UPP2: variants seen among roughly 807,000 people sequenced by gnomAD.
UPP2 encodes the protein uridine phosphorylase 2.
In UPP2, 23 loss-of-function variants were observed where a neutral mutation model predicts 26.7. The ratio of observed to expected loss-of-function variants is 0.86; its 90% CI spans 0.62 to 1.22. The LOEUF is 1.22. Among genes scored for constraint, UPP2 ranks in the 50% most tolerant of loss-of-function variants. The pLI is 0.00. For synonymous variants in UPP2, 127 were observed against 141.3 expected, an observed-to-expected ratio of 0.90 and a Z score of 0.72; for missense variants, 387 against 396.7, an observed-to-expected ratio of 0.98 and a Z score of 0.21.
chr2:158,119,299 C>T lies in UPP2; in HGVS notation c.454+1361C>T, dbSNP rs779698790. ...TAGGGTATTTTATTTCATGGCAACA[C>T]GATACATATAGCACACAATGAAGGC... On this transcript the variant is annotated intron_variant, in intron 4 of 6. Transcript: ENST00000005756. Among the ~76,000 whole-genome samples the T allele has an allele frequency of 7.2e-5, 11 of 151,962 alleles. 1 individual carries two copies. Among genetic ancestry groups the T allele is most frequent in the Non-Finnish European group, 1.5e-4 (10 of 67,918 alleles).
chr2:158,104,436 A>AAAATACTT (rs149489116), intron 1 of UPP2, among the ~76,000 whole-genome samples: 8,431 of 152,264 alleles, frequency 0.055, 341 homozygotes, highest in East Asian at 0.14. Flanking sequence ...TGAGATTTTA[A>AAAATACTT]AAATACTTAA....
intron 6 of UPP2, among the ~76,000 whole-genome samples, chr2:158,128,843 T>A (rs1004478657): frequency 6.6e-6 from 1 of 151,214 alleles, no homozygotes; most frequent in Admixed American, 6.6e-5. Flanking sequence ...GCTGAGCACA[T>A]ACCAATTGAC....
At chr2:158,046,848 G>A (rs767200403) in intron 3 of UPP2, among the ~76,000 whole-genome samples, 1 of 152,072 alleles carries the variant, frequency 6.6e-6, no homozygotes, top group Non-Finnish European at 1.5e-5. Flanking sequence ...GGGAACCAGG[G>A]AATCAGTCCA....
chr2:158,076,421 A>C (rs1235926143), intron 3 of UPP2, among the ~76,000 whole-genome samples: 1 of 152,092 alleles, frequency 6.6e-6, no homozygotes, highest in Admixed American at 6.5e-5. Context: ...AAAATCTTCA[A>C]CAAAATACTA....
At chr2:158,104,951 G>A (rs868180676) in intron 1 of UPP2, among the ~76,000 whole-genome samples, 1 of 66,948 alleles carries the variant, frequency 1.5e-5, no homozygotes, top group South Asian at 7.7e-4. Flanking sequence ...GGAAGGGAAG[G>A]GAAGGGAAGG....
intron 2 of UPP2, among the ~76,000 whole-genome samples, chr2:158,014,315 G>A (rs546686626): frequency 1.4e-4 from 21 of 152,310 alleles, no homozygotes; most frequent in Admixed American, 1.3e-4. Flanking sequence ...GCGGCTGATT[G>A]CCTCTCCTAG....
intron 6 of UPP2, among the ~76,000 whole-genome samples, chr2:158,125,134 G>A (rs1683665577): frequency 6.6e-6 from 1 of 152,192 alleles, no homozygotes; most frequent in Non-Finnish European, 1.5e-5. Context: ...GATATGCAAA[G>A]AGGAAGGCTT....
At chr2:158,109,208 A>T (rs1435983448) in intron 2 of UPP2, among the ~76,000 whole-genome samples, 1 of 152,108 alleles carries the variant, frequency 6.6e-6, no homozygotes, top group East Asian at 1.9e-4. Flanking sequence ...CTTCACAGAG[A>T]TGATAATCAT....
intron 2 of UPP2, among the ~76,000 whole-genome samples, chr2:158,003,136 GGTGGGGT>G (rs1558900378): frequency 6.6e-6 from 1 of 152,110 alleles, no homozygotes; most frequent in Non-Finnish European, 1.5e-5. Context: ...GGGATGGGTA[GGTGGGGT>G]GTCACAACTT....
At chr2:158,022,744 G>C (rs563140579) in intron 3 of UPP2, among the ~76,000 whole-genome samples, 26 of 152,192 alleles carry the variant, frequency 1.7e-4, no homozygotes, top group African/African-American at 6.0e-4. Context: ...CAAAGAATAG[G>C]TATAGAGGTT....
intron 3 of UPP2, among the ~76,000 whole-genome samples, chr2:158,067,594 G>A (rs1156467013): frequency 2.6e-5 from 4 of 152,078 alleles, no homozygotes; most frequent in Admixed American, 2.0e-4. Flanking sequence ...GTCCCATTAT[G>A]GGCAGAGAAG....
rs920383156 is a variant in UPP2 at position 158,029,706 on chromosome 2, G to A, written c.147+13820G>A. Among the ~76,000 whole-genome samples, 10 of 151,922 alleles carry A rather than the reference G, an allele frequency of 6.6e-5. No individual in the cohort carries two copies. The South Asian group carries it at 8.3e-4, about 13-fold the overall frequency. On this transcript the variant is annotated intron_variant, in intron 3 of 9. Coordinates refer to the UPP2 transcript ENST00000605860. ...TTCAAAGTTATTTCACAAAGGGAGG[G>A]AGACATAGACATAAAAATAGACACA...
At chr2:158,051,199 ATG>A (rs1487064044) in intron 3 of UPP2, among the ~76,000 whole-genome samples, 39 of 93,896 alleles carry the variant, frequency 4.2e-4, no homozygotes, top group Non-Finnish European at 5.8e-4. Context: ...GTGTGTGTGT[ATG>A]TGTGTATAAT....
At position 158,008,309 on chromosome 2, in the gene UPP2, C is replaced by T. The variant is rs907730350; in HGVS notation, c.62-7492C>T. Among the ~76,000 whole-genome samples, 7 of 152,172 alleles carry T rather than the reference C, an allele frequency of 4.6e-5. No homozygotes were observed. In the South Asian group the frequency reaches 1.5e-3, roughly 32 times the overall value. On this transcript the variant is annotated intron_variant, in intron 2 of 9. Coordinates refer to the UPP2 transcript ENST00000605860. ...CTTCTTCAGCTTATTAGAAATAAGC[C>T]AGTGTGAGATCAATAATTACCTTTT...
chr2:158,027,310 T>A (rs577106699), intron 3 of UPP2, among the ~76,000 whole-genome samples: 8 of 152,202 alleles, frequency 5.3e-5, no homozygotes, highest in Non-Finnish European at 1.2e-4. Flanking sequence ...ATTGGGTAAA[T>A]ACAGCCATTC....
chr2:158,003,876 C>T (rs1255516197), intron 2 of UPP2, among the ~76,000 whole-genome samples: 1 of 151,994 alleles, frequency 6.6e-6, no homozygotes, highest in African/African-American at 2.4e-5. Context: ...GTGTATTTTG[C>T]ATGTTGCAAC....
At chr2:158,115,429 A>C (rs1435525618) in intron 3 of UPP2, among the ~76,000 whole-genome samples, 170 bp downstream of exon 3, 1 of 152,162 alleles carries the variant, frequency 6.6e-6, no homozygotes, top group African/African-American at 2.4e-5. Flanking sequence ...AGAACACAGC[A>C]TGCAGCATCA....
chr2:158,059,077 C>A (rs1304982574), intron 3 of UPP2, among the ~76,000 whole-genome samples: 2 of 152,184 alleles, frequency 1.3e-5, no homozygotes, highest in Non-Finnish European at 2.9e-5. Context: ...GCTACTGATT[C>A]TCAGCCATTG....
At chr2:157,995,238 G>A (rs1418201130) in exon 2 of UPP2, 1 of 1,613,610 alleles carries the variant, frequency 6.2e-7, no homozygotes, top group Non-Finnish European at 8.5e-7. Flanking sequence ...AGACCAAGAA[G>A]TGGTGAGGAC....
Sources: allele counts gnomAD v4.1 joint callset (sites outside exome capture counted in the v4.1 genomes callset), GRCh38; gene constraint gnomAD v4.1.1; transcripts MANE v1.5; gene names NCBI Gene and HGNC (gene_info 2026-07-23, HGNC 2026-07-21).